The following NCKAP1 variants were observed in gnomAD, a reference collection of about 807,000 sequenced individuals.
NCKAP1 encodes NCK associated protein 1.
A neutral mutation model predicts 151.2 loss-of-function variants in NCKAP1; 21 were observed. That is an observed-to-expected ratio of 0.14 (90% CI 0.10 to 0.20). The LOEUF is 0.20. NCKAP1 is among the 10% of genes least tolerant of loss of function. The pLI is 1.00. For synonymous variants in NCKAP1, 484 were observed against 451.8 expected, an observed-to-expected ratio of 1.07 and a Z score of -0.90; for missense variants, 933 against 1,352.1, an observed-to-expected ratio of 0.69 and a Z score of 4.86.
intron 1 of NCKAP1, among the ~76,000 whole-genome samples, chr2:183,029,890 G>C (rs747206758): frequency 1.5e-4 from 22 of 150,968 alleles, no homozygotes; most frequent in Non-Finnish European, 2.8e-4. Context: ...AAAAGATGTT[G>C]GAAGTAAAAA....
At chr2:183,036,184 C>T (rs75065936) in intron 1 of NCKAP1, among the ~76,000 whole-genome samples, 2,939 of 152,152 alleles carry the variant, frequency 0.019, 86 homozygotes, top group African/African-American at 0.063. Flanking sequence ...AGTTCAAATG[C>T]CCAGAATTTC....
intron 1 of NCKAP1, among the ~76,000 whole-genome samples, chr2:183,033,885 T>C (rs1575076547): frequency 3.3e-5 from 5 of 152,224 alleles, no homozygotes; most frequent in African/African-American, 1.2e-4. Flanking sequence ...ATTTATGTTA[T>C]GTTTGAGTTT....
Position 182,910,761 on chromosome 2 carries a change from C to T in NCKAP1, c.*14941G>A, listed in dbSNP as rs1470138897. 2.6e-5 allele frequency: 4 copies of T among 152,172 alleles called. No homozygotes were observed. The highest frequency in any genetic ancestry group is 1.3e-4 in the Admixed American group (2 of 15,274). 9.4% of individuals were successfully genotyped at this position (152,172 alleles called of 1,614,324 possible). A position where few individuals can be genotyped will look rare whatever the true frequency, so the allele number is the denominator to read the frequency against. ...TCTAGGAAATTCCTGGCAATGCAAT[C>T]TAATTTCTTCACTCCTCATCTTGAG... On this transcript the variant is annotated 3_prime_UTR_variant, in exon 31 of 31. Coordinates refer to ENST00000361354, the MANE Select transcript of NCKAP1 (RefSeq NM_013436.5).
intron 2 of NCKAP1, among the ~76,000 whole-genome samples, chr2:183,005,918 C>T (rs1018384277): frequency 2.0e-5 from 3 of 152,118 alleles, no homozygotes; most frequent in East Asian, 3.8e-4. Context: ...TTCAGAAAAC[C>T]GCACCTGATT....
intron 2 of NCKAP1, among the ~76,000 whole-genome samples, chr2:183,016,220 T>C (rs1698685050): frequency 6.6e-6 from 1 of 152,210 alleles, no homozygotes; most frequent in Admixed American, 6.5e-5. Flanking sequence ...TGTATTCATG[T>C]TCTTTGGGCA....
Position 182,934,812 on chromosome 2 carries a change from A to G in NCKAP1, c.2799T>C (p.Pro933=). ...ALRDVLSYHI[P]FLVSSIEDFK... ...AATCTTCAATTGAACTTACAAGAAA[A>G]GGAATGTGGTAGGATAAGACCTAGG... Residue 933 remains proline (P), a synonymous_variant, in exon 26 of 31, where the codon CCT becomes CCC. Transcript: ENST00000361354. 1 of 1,488,164 alleles carries G rather than the reference A, an allele frequency of 6.7e-7. No homozygotes were observed. Among genetic ancestry groups the G allele is most frequent in the Non-Finnish European group, 9.3e-7 (1 of 1,071,296 alleles). 92.2% of individuals were successfully genotyped at this position (1,488,164 alleles called of 1,614,324 possible).
intron 2 of NCKAP1, among the ~76,000 whole-genome samples, chr2:183,021,130 T>C (rs1285400539): frequency 6.6e-6 from 1 of 152,236 alleles, no homozygotes; most frequent in African/African-American, 2.4e-5. Flanking sequence ...AGCAATTCTT[T>C]CACAGGTTTA....
intron 13 of NCKAP1, among the ~76,000 whole-genome samples, chr2:182,979,593 T>C (rs532703611): frequency 6.6e-6 from 1 of 152,150 alleles, no homozygotes; most frequent in East Asian, 1.9e-4. Context: ...ATCATGAAAA[T>C]GGTAAATTTT....
intron 1 of NCKAP1, among the ~76,000 whole-genome samples, chr2:183,033,749 G>A (rs1699050209): frequency 6.6e-6 from 1 of 152,066 alleles, no homozygotes; most frequent in African/African-American, 2.4e-5. Flanking sequence ...TTCCAGTATG[G>A]GTTCTTCTAC....
chr2:182,958,318 A>G (rs747899261), intron 18 of NCKAP1, among the ~76,000 whole-genome samples: 2 of 152,096 alleles, frequency 1.3e-5, no homozygotes, highest in Non-Finnish European at 1.5e-5. Context: ...TTATTTGTAT[A>G]TTTTTAGTAG....
Position 182,911,762 on chromosome 2 carries a change from G to C in NCKAP1, c.*13940C>G, listed in dbSNP as rs928986070. On this transcript the variant is annotated 3_prime_UTR_variant, in exon 31 of 31. Transcript: ENST00000361354. The stretch of plus-strand genomic sequence containing the variant: ...TTATTAAAAAAAAACAAAACAAACA[G>C]AACCGCTTTTGGAGAAACTTGCCCT... The C allele has an allele frequency of 2.6e-5, 4 of 151,762 alleles. No individual in the cohort carries two copies. Among genetic ancestry groups the C allele is most frequent in the African/African-American group, 9.7e-5 (4 of 41,316 alleles). 9.4% of individuals were successfully genotyped at this position (151,762 alleles called of 1,614,324 possible).
At chr2:182,956,632 C>A in intron 19 of NCKAP1, 39 bp from the exon 20 acceptor site, 1 of 1,554,914 alleles carries the variant, frequency 6.4e-7, no homozygotes, top group Non-Finnish European at 8.7e-7. Flanking sequence ...GTTCACATGT[C>A]ATCACAGGCA....
intron 2 of NCKAP1, among the ~76,000 whole-genome samples, chr2:183,010,509 A>G (rs981946721): frequency 6.6e-6 from 1 of 152,216 alleles, no homozygotes; most frequent in Non-Finnish European, 1.5e-5. Flanking sequence ...TGTCGTTTTA[A>G]GCCATGAAAT....
intron 18 of NCKAP1, among the ~76,000 whole-genome samples, chr2:182,961,521 T>C (rs557290374): frequency 9.2e-5 from 14 of 152,134 alleles, no homozygotes; most frequent in East Asian, 3.9e-4. Flanking sequence ...TAGGTGGGAA[T>C]TGAACAATGA....
At chr2:182,962,977 T>C (rs1697488154) in intron 17 of NCKAP1, among the ~76,000 whole-genome samples, 1 of 152,082 alleles carries the variant, frequency 6.6e-6, no homozygotes, top group South Asian at 2.1e-4. Flanking sequence ...ACATTTCTAA[T>C]ACTTTACAAA....
At position 183,021,682 on chromosome 2, in the gene NCKAP1, G is replaced by A. The variant is rs375486405; in HGVS notation, c.219+2124C>T. Among the ~76,000 whole-genome samples, 22 of 152,246 alleles carry A rather than the reference G, an allele frequency of 1.4e-4. No homozygotes were observed. In the East Asian group the frequency reaches 3.7e-3, roughly 25 times the overall value. On this transcript the variant is annotated intron_variant, in intron 2 of 30. Coordinates refer to ENST00000361354, the MANE Select transcript of NCKAP1 (RefSeq NM_013436.5). ...CTTGAAAATATTACGTTAAATGACAGAAACCAGTCACAGAAGACCACATAT... is the reference window on the plus strand; with the variant it reads ...CTTGAAAATATTACGTTAAATGACAAAAACCAGTCACAGAAGACCACATAT...
At position 182,983,174 on chromosome 2, in the gene NCKAP1, T is replaced by C. The variant is rs947987827; in HGVS notation, c.1101+112A>G. On this transcript the variant is annotated intron_variant, in intron 11 of 30. Coordinates refer to ENST00000361354, the MANE Select transcript of NCKAP1 (RefSeq NM_013436.5). ...CAGCAAATTCATTCTCCACTAAATATAAAAATCCTTTTATGTAGTCCCTGA... is the reference window on the plus strand; with the variant it reads ...CAGCAAATTCATTCTCCACTAAATACAAAAATCCTTTTATGTAGTCCCTGA... The C allele has an allele frequency of 7.0e-6, 6 of 858,512 alleles. No homozygotes were observed. In the African/African-American group the frequency reaches 1.0e-4, roughly 15 times the overall value. The allele number at this position is 858,512 out of a possible 1,614,324, so 53.2% of individuals were successfully genotyped here.
chr2:183,028,047 G>A (rs956904802), intron 1 of NCKAP1, among the ~76,000 whole-genome samples: 2 of 151,952 alleles, frequency 1.3e-5, no homozygotes, highest in Non-Finnish European at 1.5e-5. Context: ...CCAGAAAGAC[G>A]TAATCAAAAG....
chr2:182,934,549 C>A, intron 26 of NCKAP1: 1 of 445,154 alleles, frequency 2.2e-6, no homozygotes, highest in Non-Finnish European at 4.0e-6. Context: ...TATAGGTGAT[C>A]AAAGAAGACT....
Sources: allele counts gnomAD v4.1 joint callset (sites outside exome capture counted in the v4.1 genomes callset), GRCh38; gene constraint gnomAD v4.1.1; transcripts MANE v1.5; gene names NCBI Gene and HGNC (gene_info 2026-07-23, HGNC 2026-07-21).